RANBP2: variants seen among roughly 807,000 people sequenced by gnomAD.
RANBP2 encodes the protein E3 SUMO-protein ligase RanBP2.
In RANBP2, 57 loss-of-function variants were observed where a neutral mutation model predicts 303.6. The ratio of observed to expected loss-of-function variants is 0.19; its 90% confidence interval spans 0.15 to 0.23. The LOEUF (loss-of-function observed/expected upper bound fraction) is 0.23, where lower values mean the gene tolerates loss of function less well. RANBP2 is among the 10% of genes least tolerant of loss of function. The pLI is 1.00. For synonymous variants in RANBP2, 1,167 were observed against 1,301.5 expected, an observed-to-expected ratio of 0.90 and a Z score of 2.23; for missense variants, 3,138 against 3,780.8, an observed-to-expected ratio of 0.83 and a Z score of 4.46.
the RANBP2 span, among the ~76,000 whole-genome samples, chr2:109,706,508 C>T: frequency 2.6e-5 from 4 of 152,174 alleles, no homozygotes; most frequent in African/African-American, 9.6e-5. Context: ...TGATGCCTGC[C>T]CTGACCACTG....
chr2:109,669,091 A>G, the RANBP2 span, among the ~76,000 whole-genome samples: 1 of 152,214 alleles, frequency 6.6e-6, no homozygotes, highest in African/African-American at 2.4e-5. Context: ...TTTGACAAAG[A>G]CACCAAGAAA....
chr2:109,397,144 G>T, the RANBP2 span, among the ~76,000 whole-genome samples: 5 of 152,242 alleles, frequency 3.3e-5, no homozygotes, highest in Non-Finnish European at 7.4e-5. Context: ...CTGGCAGACA[G>T]AATGTGCCAG....
At chr2:109,277,671 A>G in the RANBP2 span, among the ~76,000 whole-genome samples, 21 of 152,120 alleles carry the variant, frequency 1.4e-4, no homozygotes, top group Non-Finnish European at 2.9e-4. Flanking sequence ...GTCCTCTCCC[A>G]CTCAGGGTGC....
At chr2:109,235,556 AC>A in the RANBP2 span, among the ~76,000 whole-genome samples, 1 of 152,196 alleles carries the variant, frequency 6.6e-6, no homozygotes, top group Non-Finnish European at 1.5e-5. Context: ...GCTGGAAGTG[AC>A]TGGTAAGATG....
At chr2:109,063,813 C>CA in the RANBP2 span, among the ~76,000 whole-genome samples, 2 of 150,354 alleles carry the variant, frequency 1.3e-5, no homozygotes, top group African/African-American at 2.4e-5. Flanking sequence ...AAAAAAAAAA[C>CA]AAAAAAACAA....
At chr2:108,856,913 A>G in the RANBP2 span, 12 of 1,613,218 alleles carry the variant, frequency 7.4e-6, no homozygotes, top group African/African-American at 2.7e-5. Flanking sequence ...AAGAATATCC[A>G]GTAAAGGACT....
chr2:109,562,396 A>G, the RANBP2 span, among the ~76,000 whole-genome samples: 14 of 146,882 alleles, frequency 9.5e-5, no homozygotes, highest in Non-Finnish European at 1.5e-4. Flanking sequence ...TCTCTTCTTC[A>G]CATAGGGGTC....
At chr2:109,139,642 AC>A in the RANBP2 span, among the ~76,000 whole-genome samples, 2 of 152,182 alleles carry the variant, frequency 1.3e-5, no homozygotes, top group Non-Finnish European at 1.5e-5. Flanking sequence ...TGACTTGTGT[AC>A]AGTAACAAGA....
the RANBP2 span, among the ~76,000 whole-genome samples, chr2:109,575,833 G>A: frequency 6.6e-6 from 1 of 152,152 alleles, no homozygotes; most frequent in East Asian, 1.9e-4. Flanking sequence ...CTTCTATAAA[G>A]TTGCCCGACC....
intron 27 of RANBP2, 33 bp downstream of exon 27, chr2:108,782,434 T>C (rs770063209): frequency 2.5e-6 from 4 of 1,613,742 alleles, no homozygotes. Context: ...TACTTTTCAT[T>C]TTTTGGACTT....
the RANBP2 span, among the ~76,000 whole-genome samples, chr2:109,338,482 T>G: frequency 1.3e-5 from 2 of 152,202 alleles, no homozygotes; most frequent in African/African-American, 4.8e-5. Context: ...CTTACCTTTT[T>G]GTATTACACT....
At position 108,737,340 on chromosome 2, in the gene RANBP2, TTTTTTTTTTG is replaced by T. The variant is rs1305174445; in HGVS notation, c.782+1099_782+1108del. Among the ~76,000 whole-genome samples the T allele has an allele frequency of 4.6e-5, 6 of 130,438 alleles. No individual in the cohort carries two copies. In the South Asian group the frequency reaches 1.4e-3, roughly 30 times the overall value. 85.6% of individuals were successfully genotyped at this position (130,438 alleles called of 152,430 possible). A position where few individuals can be genotyped will look rare whatever the true frequency, so the allele number is the denominator to read the frequency against. ...CTTTTTTTCTTTCTTTCTTTCTTTT[TTTTTTTTTTG>T]TTTTTTTGAGATGGAGTCTTGCTGT... On this transcript the variant is annotated intron_variant, in intron 6 of 28. Transcript: ENST00000283195.
chr2:108,914,121 A>G, the RANBP2 span, among the ~76,000 whole-genome samples: 2 of 151,356 alleles, frequency 1.3e-5, no homozygotes, highest in Non-Finnish European at 2.9e-5. Flanking sequence ...TTAGCCAGGC[A>G]TGATGGCGCA....
chr2:109,485,739 A>G, the RANBP2 span, among the ~76,000 whole-genome samples: 1 of 152,262 alleles, frequency 6.6e-6, no homozygotes, highest in Admixed American at 6.5e-5. Flanking sequence ...GTAAGCACAC[A>G]AACACACATG....
chr2:109,589,427 G>A, the RANBP2 span, among the ~76,000 whole-genome samples: 1 of 152,138 alleles, frequency 6.6e-6, no homozygotes, highest in Non-Finnish European at 1.5e-5. Context: ...AGCTACTCCG[G>A]AGGCTACAGC....
the RANBP2 span, among the ~76,000 whole-genome samples, chr2:109,722,396 G>A: frequency 6.6e-6 from 1 of 152,174 alleles, no homozygotes; most frequent in African/African-American, 2.4e-5. Context: ...ATAGCCCACA[G>A]CTCTCTAGTG....
the RANBP2 span, among the ~76,000 whole-genome samples, chr2:108,935,583 G>A: frequency 2.6e-5 from 4 of 152,118 alleles, no homozygotes; most frequent in African/African-American, 7.2e-5. Context: ...CCTTGGCTGG[G>A]TCTCTCCCTC....
At chr2:109,614,123 G>A in the RANBP2 span, 7,235 of 1,207,052 alleles carry the variant, frequency 6.0e-3, 35 homozygotes, top group Non-Finnish European at 6.4e-3. Context: ...GGCTGAAGGA[G>A]AGCTGGGACT....
At chr2:109,612,431 G>A in the RANBP2 span, among the ~76,000 whole-genome samples, 1 of 152,086 alleles carries the variant, frequency 6.6e-6, no homozygotes, top group Non-Finnish European at 1.5e-5. Flanking sequence ...TCGTACTATG[G>A]GTTTGCCAGA....
Sources: allele counts gnomAD v4.1 joint callset (sites outside exome capture counted in the v4.1 genomes callset), GRCh38; gene constraint gnomAD v4.1.1; transcripts MANE v1.5; gene names NCBI Gene and HGNC (gene_info 2026-07-23, HGNC 2026-07-21).